AGBL1: variants seen among roughly 807,000 people sequenced by gnomAD.
The protein encoded by AGBL1 is AGBL carboxypeptidase 1, also known as cytosolic carboxypeptidase 4.
Under a neutral mutation model 118.9 loss-of-function variants are expected in AGBL1, and 130 were observed. The ratio of observed to expected loss-of-function variants is 1.09; its 90% CI spans 0.95 to 1.26. The LOEUF (loss-of-function observed/expected upper bound fraction) is 1.26. Among genes scored for constraint, AGBL1 ranks in the 50% most tolerant of loss-of-function variants. The probability of loss-of-function intolerance (pLI) is 0.00; values close to 1 mark genes in which losing one functional copy is unlikely to be tolerated. For synonymous variants in AGBL1, 555 were observed against 478.9 expected (o/e 1.16, Z -2.08); for missense variants, 1,584 against 1,298.1 (o/e 1.22, Z -3.38).
At chr15:86,153,882 T>G (rs1411602277) in intron 3 of AGBL1, among the ~76,000 whole-genome samples, 2 of 152,122 alleles carry the variant, frequency 1.3e-5, no homozygotes, top group African/African-American at 4.8e-5. Context: ...CTAAATCCTT[T>G]CAAGTGCATT....
intron 22 of AGBL1, among the ~76,000 whole-genome samples, chr15:86,679,480 A>G (rs2085911456): frequency 1.3e-5 from 2 of 151,886 alleles, no homozygotes; most frequent in Admixed American, 1.3e-4. Flanking sequence ...ATTTCCAGGG[A>G]TTTTTCTGTT....
At chr15:86,841,471 T>C (rs1307683891) in intron 22 of AGBL1, among the ~76,000 whole-genome samples, 2 of 152,250 alleles carry the variant, frequency 1.3e-5, no homozygotes, top group Non-Finnish European at 2.9e-5. Context: ...TGTTTTTTAA[T>C]TTATTTTTTA....
chr15:86,343,101 T>A (rs12591790), intron 17 of AGBL1, among the ~76,000 whole-genome samples: 6,365 of 152,278 alleles, frequency 0.042, 265 homozygotes, highest in East Asian at 0.21. Flanking sequence ...GTGCTGGACA[T>A]TTTCATGTTA....
intron 21 of AGBL1, among the ~76,000 whole-genome samples, chr15:86,568,608 T>C (rs1409043914): frequency 6.6e-6 from 1 of 152,234 alleles, no homozygotes; most frequent in Non-Finnish European, 1.5e-5. Flanking sequence ...GATGCTAATC[T>C]TCTTAGGATG....
At chr15:86,128,016 G>T (rs1039706205) in intron 1 of AGBL1, among the ~76,000 whole-genome samples, 18 of 151,932 alleles carry the variant, frequency 1.2e-4, no homozygotes, top group African/African-American at 4.1e-4. Flanking sequence ...ATGTTTTTTT[G>T]GGGGGTGGTT....
At chr15:86,434,948 C>A (rs1379453651) in intron 18 of AGBL1, among the ~76,000 whole-genome samples, 1 of 152,180 alleles carries the variant, frequency 6.6e-6, no homozygotes, top group South Asian at 2.1e-4. Flanking sequence ...ATAGCCGCAG[C>A]AATTACTAAA....
chr15:86,442,441 C>G (rs867481750), intron 18 of AGBL1, among the ~76,000 whole-genome samples: 1 of 152,146 alleles, frequency 6.6e-6, no homozygotes, highest in African/African-American at 2.4e-5. Context: ...ATCATATTTA[C>G]CTCACAAAGG....
chr15:86,428,316 G>T (rs2081891985), intron 18 of AGBL1, among the ~76,000 whole-genome samples: 1 of 152,140 alleles, frequency 6.6e-6, no homozygotes, highest in South Asian at 2.1e-4. Flanking sequence ...CAATACCTGG[G>T]CTCTAGGAAC....
chr15:86,987,842 A>G, intron 23 of AGBL1: 1 of 739,364 alleles, frequency 1.4e-6, no homozygotes, highest in African/African-American at 1.8e-5. Context: ...TTCTGACCTT[A>G]TGTTGCTGGT....
intron 22 of AGBL1, among the ~76,000 whole-genome samples, chr15:86,896,921 C>G (rs1300894063): frequency 6.6e-6 from 1 of 152,170 alleles, no homozygotes; most frequent in Non-Finnish European, 1.5e-5. Flanking sequence ...CCTAGACTTT[C>G]TCAAGTAGTG....
At chr15:86,330,988 G>A (rs1294659908) in intron 17 of AGBL1, among the ~76,000 whole-genome samples, 1 of 152,132 alleles carries the variant, frequency 6.6e-6, no homozygotes, top group Non-Finnish European at 1.5e-5. Context: ...CACTTTGGGA[G>A]GCCAAGGCAG....
intron 18 of AGBL1, among the ~76,000 whole-genome samples, chr15:86,398,861 G>A (rs552951309): frequency 6.6e-6 from 1 of 152,166 alleles, no homozygotes; most frequent in East Asian, 1.9e-4. Flanking sequence ...TTAAAGGAAA[G>A]CAAATAAAAG....
At chr15:86,837,232 A>AG (rs2079182030) in intron 22 of AGBL1, among the ~76,000 whole-genome samples, 1 of 152,044 alleles carries the variant, frequency 6.6e-6, no homozygotes, top group Non-Finnish European at 1.5e-5. Flanking sequence ...ATCAAAAAAA[A>AG]AAAAAAATGC....
intron 17 of AGBL1, among the ~76,000 whole-genome samples, chr15:86,314,213 A>G (rs2079963210): frequency 6.6e-6 from 1 of 152,192 alleles, no homozygotes; most frequent in Non-Finnish European, 1.5e-5. Flanking sequence ...ATTCATGGAA[A>G]TGGCCTCCCA....
intron 24 of AGBL1, chr15:86,988,289 A>C: frequency 1.8e-6 from 1 of 542,082 alleles, no homozygotes; most frequent in Non-Finnish European, 3.2e-6. Flanking sequence ...ATTCACACAA[A>C]TGAATACGAT....
intron 18 of AGBL1, among the ~76,000 whole-genome samples, chr15:86,404,526 A>G (rs1468617172): frequency 6.6e-6 from 1 of 152,218 alleles, no homozygotes; most frequent in East Asian, 1.9e-4. Flanking sequence ...GTCCTTTGGT[A>G]TAATGACATG....
At chr15:86,939,552 T>G (rs915411898) in intron 23 of AGBL1, 3 of 152,280 alleles carry the variant, frequency 2.0e-5, no homozygotes, top group African/African-American at 7.2e-5. Flanking sequence ...CACCTCGTGA[T>G]CGTGTGGGTC....
chr15:86,330,757 A>G (rs1461784663), intron 17 of AGBL1, among the ~76,000 whole-genome samples: 3 of 151,398 alleles, frequency 2.0e-5, no homozygotes, highest in Non-Finnish European at 3.0e-5. Context: ...GAAGGATGAA[A>G]TAAATATCTT....
At chr15:86,293,176 T>G (rs2079575281) in intron 16 of AGBL1, among the ~76,000 whole-genome samples, 1 of 152,228 alleles carries the variant, frequency 6.6e-6, no homozygotes, top group Admixed American at 6.5e-5. Context: ...CTTTTTCCCT[T>G]GTATGTTAGT....
Sources: gnomAD v4.1 joint callset for allele counts (sites outside exome capture counted in the v4.1 genomes callset) on GRCh38, gnomAD v4.1.1 for gene constraint, MANE v1.5 for transcripts, NCBI Gene and HGNC (gene_info 2026-07-23, HGNC 2026-07-21) for gene names.